Variants in WAPL observed in about 807,000 individuals in gnomAD.
The protein encoded by WAPL is WAPL cohesin release factor, also known as wings apart-like protein homolog.
Under a neutral mutation model 121.0 loss-of-function variants are expected in WAPL, and 5 were observed. That is an observed-to-expected ratio of 0.04 (90% CI 0.02 to 0.09). WAPL has a LOEUF of 0.09. Ranked by LOEUF, WAPL falls within the 10% of genes least tolerant of loss-of-function variation. The pLI, the probability that WAPL is intolerant of heterozygous loss-of-function variation, is 1.00. For synonymous variants in WAPL, 480 were observed against 481.5 expected (o/e 1.00, Z 0.04); for missense variants, 999 against 1,410.8 (o/e 0.71, Z 4.68).
intron 2 of WAPL, among the ~76,000 whole-genome samples, chr10:86,507,185 T>C (rs893796145): frequency 1.0e-4 from 15 of 150,470 alleles, no homozygotes; most frequent in Non-Finnish European, 5.9e-5. Context: ...CTGGCCAATA[T>C]AGTGAAACCC....
intron 2 of WAPL, among the ~76,000 whole-genome samples, chr10:86,512,840 A>G (rs1451875723): frequency 6.9e-6 from 1 of 144,280 alleles, no homozygotes; most frequent in Non-Finnish European, 1.6e-5. Context: ...GTGGACAATC[A>G]AGTACATGAG....
chr10:86,484,821 T>A (rs1441205712), intron 4 of WAPL, among the ~76,000 whole-genome samples: 1 of 152,202 alleles, frequency 6.6e-6, no homozygotes, highest in Non-Finnish European at 1.5e-5. Flanking sequence ...AGCAACAGGC[T>A]ATACCATATA....
chr10:86,521,787 C>T lies in WAPL; in HGVS notation c.-445G>A, dbSNP rs920030216. The T allele has an allele frequency of 2.3e-6, 1 of 436,258 alleles. No individual in the cohort carries two copies. The highest frequency in any genetic ancestry group is 1.6e-5 in the South Asian group (1 of 60,922). The allele number at this position is 436,258 out of a possible 1,614,324, so 27.0% of individuals were successfully genotyped here. A position where few individuals can be genotyped will look rare whatever the true frequency, so the allele number is the denominator to read the frequency against. On this transcript the variant is annotated 5_prime_UTR_variant, in exon 1 of 19. Coordinates refer to ENST00000298767, the MANE Select transcript of WAPL (RefSeq NM_015045.5). ...TCCTTCCTCCAACAGCCGCTCGCTC[C>T]GTCACTCCGCTTCCCACAGTCCCCG...
In WAPL at chr10:86,506,685, G is replaced by C. The variant is rs568348745; in HGVS notation, c.500-5942C>G. Among the ~76,000 whole-genome samples the C allele has an allele frequency of 5.9e-5, 9 of 152,262 alleles. No individual in the cohort carries two copies. In the South Asian group the frequency reaches 1.7e-3, roughly 28 times the overall value. On this transcript the variant is annotated intron_variant, in intron 2 of 18. Transcript: ENST00000298767. Reference sequence around the variant, plus strand: ...CGTTCCTATAGTCCTAGCTACTCAGGAAGTGGGGGTAGGAGGATCACTTAA... The same window carrying C: ...CGTTCCTATAGTCCTAGCTACTCAGCAAGTGGGGGTAGGAGGATCACTTAA...
intron 4 of WAPL, among the ~76,000 whole-genome samples, chr10:86,491,741 A>C (rs1564581040): frequency 6.6e-6 from 1 of 152,154 alleles, no homozygotes; most frequent in Non-Finnish European, 1.5e-5. Context: ...CTTAAAAAAA[A>C]AAAAAAGCAA....
At position 86,435,643 on chromosome 10, in the gene WAPL, G is replaced by A. The variant is rs1316734478; in HGVS notation, c.*1900C>T. ...CATCTCTATCAGTGCTCGACAATTA[G>A]TTATTATTTAAAAAACAAAACAAAA... is the stretch of plus-strand genomic sequence containing the variant. On this transcript the variant is annotated 3_prime_UTR_variant, in exon 19 of 19. Transcript: ENST00000298767. 1 of 151,586 alleles carries A rather than the reference G, an allele frequency of 6.6e-6. No individual in the cohort carries two copies. Among genetic ancestry groups the A allele is most frequent in the African/African-American group, 2.4e-5 (1 of 41,068 alleles). 9.4% of individuals were successfully genotyped at this position (151,586 alleles called of 1,614,324 possible).
intron 12 of WAPL, among the ~76,000 whole-genome samples, chr10:86,455,446 G>A (rs1186851405): frequency 6.6e-6 from 1 of 152,052 alleles, no homozygotes. Flanking sequence ...TAAGGGCAGT[G>A]CAAGATGTGC....
chr10:86,478,993 G>T (rs1481708209), intron 4 of WAPL, among the ~76,000 whole-genome samples: 4 of 152,020 alleles, frequency 2.6e-5, no homozygotes, highest in African/African-American at 9.7e-5. Context: ...GCTACCCCGG[G>T]AGGCTGAGGA....
At position 86,479,657 on chromosome 10, in the gene WAPL, G is replaced by A. The variant is rs973125449; in HGVS notation, c.1645-5684C>T. On this transcript the variant is annotated intron_variant, in intron 4 of 18. Coordinates refer to ENST00000298767, the MANE Select transcript of WAPL (RefSeq NM_015045.5). ...GTGCTATATGAAGACAAAATAGTAA[G>A]CTGATAAGAATTCATCCAGCTTTAT... is the stretch of plus-strand genomic sequence containing the variant. Among the ~76,000 whole-genome samples, 4 of 152,214 alleles carry A rather than the reference G, an allele frequency of 2.6e-5. No individual in the cohort carries two copies. In the East Asian group the frequency reaches 7.7e-4, roughly 29 times the overall value.
intron 2 of WAPL, among the ~76,000 whole-genome samples, chr10:86,508,986 G>A (rs1196294221): frequency 2.0e-5 from 3 of 151,602 alleles, no homozygotes; most frequent in East Asian, 1.9e-4. Flanking sequence ...CTCGTGATCC[G>A]CCCGCCTCTG....
At chr10:86,454,192 A>G (rs541348945) in intron 12 of WAPL, among the ~76,000 whole-genome samples, 12 of 152,370 alleles carry the variant, frequency 7.9e-5, no homozygotes, top group African/African-American at 2.9e-4. Context: ...ATGTTAATGT[A>G]AAGACAAGTA....
At chr10:86,508,520 C>A (rs1228445343) in intron 2 of WAPL, among the ~76,000 whole-genome samples, 3 of 152,270 alleles carry the variant, frequency 2.0e-5, no homozygotes, top group East Asian at 1.9e-4. Context: ...TGTTACCCCC[C>A]ATTTCCTCAC....
At chr10:86,488,348 T>G (rs1046678518) in intron 4 of WAPL, 5 of 152,198 alleles carry the variant, frequency 3.3e-5, no homozygotes, top group African/African-American at 7.2e-5. Flanking sequence ...CTAAATACCA[T>G]TCTCCATGAA....
intron 1 of WAPL, among the ~76,000 whole-genome samples, chr10:86,519,134 A>C (rs1474775334): frequency 1.9e-5 from 1 of 53,680 alleles, no homozygotes; most frequent in Non-Finnish European, 4.7e-5. Context: ...TTCACAGGAC[A>C]AAAAAAAAAA....
At position 86,467,307 on chromosome 10, in the gene WAPL, T is replaced by G; in HGVS notation, c.2342A>C (p.Asn781Thr). ...KIRRLCETVH[N>T]KHLDLENITT... is the part of the protein sequence containing the mutation. ...TATATTTTCTAGATCAAGATGCTTG[T>G]TGTGTACAGTTTCACAGAGCCTTCG... is the stretch of plus-strand genomic sequence containing the variant. Residue 781 changes from asparagine (N) to threonine (T), a missense_variant, in exon 9 of 19, where the codon AAC (asparagine) becomes ACC (threonine). Asn to Thr is a moderately conservative substitution (Grantham distance 65). Coordinates refer to ENST00000298767, the MANE Select transcript of WAPL (RefSeq NM_015045.5). The G allele has an allele frequency of 6.2e-7, 1 of 1,614,044 alleles. No homozygotes were observed. The highest frequency in any genetic ancestry group is 8.5e-7 in the Non-Finnish European group (1 of 1,179,982).
chr10:86,510,903 G>A (rs532557971), intron 2 of WAPL, among the ~76,000 whole-genome samples: 15 of 152,178 alleles, frequency 9.9e-5, no homozygotes, highest in Admixed American at 3.3e-4. Flanking sequence ...ATCATGGCTC[G>A]CTGCTGCCCT....
chr10:86,468,690 G>T (rs529777996), intron 8 of WAPL, among the ~76,000 whole-genome samples: 2 of 152,074 alleles, frequency 1.3e-5, no homozygotes, highest in Non-Finnish European at 2.9e-5. Context: ...ATCGCCAGGC[G>T]TGGTGGCTCA....
chr10:86,478,353 G>T (rs191016753), intron 4 of WAPL, among the ~76,000 whole-genome samples: 1 of 151,732 alleles, frequency 6.6e-6, no homozygotes, highest in Non-Finnish European at 1.5e-5. Context: ...CACCTCCTGA[G>T]TCCAGGAAGT....
chr10:86,466,464 G>T (rs1022499165), intron 9 of WAPL, among the ~76,000 whole-genome samples: 1 of 152,096 alleles, frequency 6.6e-6, no homozygotes, highest in South Asian at 2.1e-4. Flanking sequence ...CAGCTACTTG[G>T]GGGGCTGAGG....
Sources: gnomAD v4.1 joint callset for allele counts (sites outside exome capture counted in the v4.1 genomes callset) on GRCh38, gnomAD v4.1.1 for gene constraint, MANE v1.5 for transcripts, NCBI Gene and HGNC (gene_info 2026-07-23, HGNC 2026-07-21) for gene names.